Variants in RAPGEF1 observed in about 807,000 individuals in gnomAD.
RAPGEF1 encodes CRK SH3-binding GNRP.
Under a neutral mutation model 143.3 loss-of-function variants are expected in RAPGEF1, and 33 were observed. That is an observed-to-expected ratio of 0.23 (90% CI 0.17 to 0.31). The LOEUF is 0.31. Ranked by LOEUF, RAPGEF1 falls within the 10% of genes least tolerant of loss-of-function variation. RAPGEF1 has a pLI of 1.00. For missense variants in RAPGEF1, 1,199 were observed against 1,645.4 expected (o/e 0.73, Z 4.69); for synonymous variants, 629 against 676.5 (o/e 0.93, Z 1.09).
intron 17 of RAPGEF1, among the ~76,000 whole-genome samples, chr9:131,594,654 G>C (rs1954933267): frequency 6.6e-6 from 1 of 152,218 alleles, no homozygotes; most frequent in Admixed American, 6.5e-5. Context: ...CATGGCTTCT[G>C]CCTCAGTAAT....
intron 15 of RAPGEF1, among the ~76,000 whole-genome samples, chr9:131,601,761 G>T (rs1956309639): frequency 6.6e-6 from 1 of 152,056 alleles, no homozygotes; most frequent in Non-Finnish European, 1.5e-5. Flanking sequence ...AAAACAATCA[G>T]CTGGGCGTGG....
chr9:131,581,073 C>T (rs1037300585), intron 25 of RAPGEF1, among the ~76,000 whole-genome samples: 2 of 151,740 alleles, frequency 1.3e-5, no homozygotes, highest in Admixed American at 6.6e-5. Context: ...ACCTGGGAGG[C>T]GGAGGTTGCA....
intron 1 of RAPGEF1, among the ~76,000 whole-genome samples, chr9:131,718,555 T>C (rs756537784): frequency 1.6e-4 from 25 of 152,116 alleles, no homozygotes; most frequent in Non-Finnish European, 4.4e-5. Context: ...TCAGGATTTA[T>C]TGGAGTAAAT....
At chr9:131,670,347 AG>A (rs919958959) in intron 1 of RAPGEF1, among the ~76,000 whole-genome samples, 28 of 152,150 alleles carry the variant, frequency 1.8e-4, no homozygotes, top group African/African-American at 6.5e-4. Flanking sequence ...GGGCTTGGCT[AG>A]GATCACCACC....
At chr9:131,729,992 A>C (rs1226835632) in intron 1 of RAPGEF1, among the ~76,000 whole-genome samples, 1 of 151,962 alleles carries the variant, frequency 6.6e-6, no homozygotes, top group Non-Finnish European at 1.5e-5. Flanking sequence ...CAGGAGATCG[A>C]GACCATCCTG....
intron 12 of RAPGEF1, among the ~76,000 whole-genome samples, chr9:131,606,944 C>G (rs1452758435): frequency 6.6e-6 from 1 of 152,110 alleles, no homozygotes; most frequent in Non-Finnish European, 1.5e-5. Context: ...TCTGGCAAAG[C>G]TACCCTTTAA....
rs891110964 is a variant in RAPGEF1, at chr9:131,621,405, T to A, written c.1905+391A>T. ...TGCCAATCAAGTCCACAGATGGCTG[T>A]GCACAGACCATGTCCTGTGCTTTGA... is the stretch of plus-strand genomic sequence containing the variant. On this transcript the variant is annotated intron_variant, in intron 11 of 26. Transcript: ENST00000683357. The surrounding 1 kb of genome is among the most constrained non-coding windows in gnomAD (Gnocchi z 4.5). Among the ~76,000 whole-genome samples the A allele has an allele frequency of 6.6e-6, 1 of 152,244 alleles. No individual in the cohort carries two copies. The highest frequency in any genetic ancestry group is 2.4e-5 in the African/African-American group (1 of 41,464).
chr9:131,664,005 C>T (rs1830025315), intron 1 of RAPGEF1, among the ~76,000 whole-genome samples: 1 of 152,228 alleles, frequency 6.6e-6, no homozygotes, highest in South Asian at 2.1e-4. Flanking sequence ...TAGGCCCCCA[C>T]CCTTTACTTT....
At chr9:131,679,126 T>C (rs1179804623) in intron 1 of RAPGEF1, among the ~76,000 whole-genome samples, 2 of 142,764 alleles carry the variant, frequency 1.4e-5, no homozygotes, top group Non-Finnish European at 3.0e-5. Flanking sequence ...TGCTGGAAAC[T>C]CACACGAGGA....
intron 12 of RAPGEF1, among the ~76,000 whole-genome samples, chr9:131,607,983 C>T (rs1243810871): frequency 6.6e-6 from 1 of 152,214 alleles, no homozygotes; most frequent in African/African-American, 2.4e-5. Context: ...GGCAGACTCC[C>T]ACAGCATGGT....
intron 1 of RAPGEF1, among the ~76,000 whole-genome samples, chr9:131,660,393 C>T (rs988384070): frequency 1.4e-4 from 21 of 151,492 alleles, no homozygotes; most frequent in South Asian, 8.3e-4. Context: ...ATAACGTAGA[C>T]GGTAAACATT....
At chr9:131,600,808 C>T (rs1320374488) in intron 15 of RAPGEF1, among the ~76,000 whole-genome samples, 1 of 152,120 alleles carries the variant, frequency 6.6e-6, no homozygotes, top group African/African-American at 2.4e-5. Context: ...CAGGTGCATA[C>T]TGGGGAAATC....
chr9:131,581,501 C>T (rs1007689850), intron 25 of RAPGEF1, among the ~76,000 whole-genome samples: 6 of 150,906 alleles, frequency 4.0e-5, no homozygotes, highest in Admixed American at 2.6e-4. Flanking sequence ...CTAGCCTGGC[C>T]AACATGGTGA....
At chr9:131,606,577 A>G (rs558036016) in intron 12 of RAPGEF1, among the ~76,000 whole-genome samples, 1 of 152,300 alleles carries the variant, frequency 6.6e-6, no homozygotes, top group African/African-American at 2.4e-5. Flanking sequence ...GAACCCATGG[A>G]AAAGAGGAAG....
intron 6 of RAPGEF1, 120 bp from the exon 7 acceptor site, chr9:131,629,374 AGCAG>A (rs1221479505): frequency 7.8e-6 from 8 of 1,023,024 alleles, no homozygotes; most frequent in South Asian, 1.6e-5. Flanking sequence ...GGGGCTGAAG[AGCAG>A]GCTCCCTGGA....
intron 3 of RAPGEF1, among the ~76,000 whole-genome samples, chr9:131,647,776 T>A (rs2133386758): frequency 6.6e-6 from 1 of 152,216 alleles, no homozygotes; most frequent in South Asian, 2.1e-4. Flanking sequence ...GAAAAAGGGG[T>A]AACATTCCTT....
At chr9:131,735,192 G>C (rs1837338087) in intron 1 of RAPGEF1, among the ~76,000 whole-genome samples, 1 of 152,242 alleles carries the variant, frequency 6.6e-6, no homozygotes, top group South Asian at 2.1e-4. Flanking sequence ...CAGGCGATGA[G>C]TGAAGCCACT....
intron 10 of RAPGEF1, among the ~76,000 whole-genome samples, chr9:131,623,761 G>A (rs568391238): frequency 5.3e-5 from 8 of 152,340 alleles, no homozygotes; most frequent in South Asian, 2.1e-4. Flanking sequence ...GGGCTGCTCC[G>A]GGCAAGAGGG....
rs992339194 is a variant in RAPGEF1, at chr9:131,667,035, G to C, written c.62-16086C>G. On this transcript the variant is annotated intron_variant, in intron 1 of 26. Coordinates refer to ENST00000683357, the MANE Select transcript of RAPGEF1 (RefSeq NM_001377935.1). This position sits in a 1 kb window ranked among gnomAD's most constrained non-coding sequence, Gnocchi z 4.6. ...AGACAGAGTCTCACTCTGTCACCCA[G>C]GCGGAGTGCAGTGGCACGAACTCGG... Among the ~76,000 whole-genome samples the C allele has an allele frequency of 6.6e-6, 1 of 152,042 alleles. No homozygotes were observed. Among genetic ancestry groups the C allele is most frequent in the African/African-American group, 2.4e-5 (1 of 41,458 alleles).
Sources: gnomAD v4.1 joint callset for allele counts (sites outside exome capture counted in the v4.1 genomes callset) on GRCh38, gnomAD v4.1.1 for gene constraint, Gnocchi (gnomAD v3.1) non-coding constraint, MANE v1.5 for transcripts, NCBI Gene and HGNC (gene_info 2026-07-23, HGNC 2026-07-21) for gene names.